Variants in AFF2 observed in about 807,000 individuals in gnomAD.
The protein encoded by AFF2 is AF4/FMR2 family member 2.
Under a neutral mutation model 76.9 loss-of-function variants are expected in AFF2, and 14 were observed. The ratio of observed to expected loss-of-function variants is 0.18; its 90% CI spans 0.12 to 0.28. The LOEUF (loss-of-function observed/expected upper bound fraction) is 0.28, where lower values mean the gene tolerates loss of function less well. Ranked by LOEUF, AFF2 falls within the 10% of genes least tolerant of loss-of-function variation. The probability of loss-of-function intolerance (pLI) is 1.00; values close to 1 mark genes in which losing one functional copy is unlikely to be tolerated. For synonymous variants in AFF2, 398 were observed against 366.7 expected (o/e 1.09, Z -0.98); for missense variants, 868 against 1,001.1 (o/e 0.87, Z 1.79).
chrX:148,536,124 C>T (rs981888978), intron 1 of AFF2, among the ~76,000 whole-genome samples: 1 of 109,427 alleles, frequency 9.1e-6, no homozygotes, highest in African/African-American at 3.3e-5. Flanking sequence ...GCAAGAGAAT[C>T]GCTTGAACCC....
chrX:148,851,405 TG>T (rs2070729353), intron 7 of AFF2, among the ~76,000 whole-genome samples: 1 of 112,325 alleles, frequency 8.9e-6, no homozygotes, highest in Admixed American at 9.4e-5. Context: ...ACAGAGTAGG[TG>T]GGATGGAGTA....
intron 1 of AFF2, among the ~76,000 whole-genome samples, chrX:148,545,133 A>T (rs2124274320): frequency 8.9e-6 from 1 of 112,076 alleles, no homozygotes; most frequent in African/African-American, 3.2e-5. Flanking sequence ...TTCTAGCTGT[A>T]GCTAGGGGTT....
rs2072596718 is a variant in AFF2 at position 148,996,180 on chromosome X, G to A, written c.*4848G>A. 8.9e-6 allele frequency: 1 copy of A among 112,428 alleles called. No individual in the cohort carries two copies. The highest frequency in any genetic ancestry group is 1.9e-5 in the Non-Finnish European group (1 of 53,320). The allele number at this position is 112,428 out of a possible 1,213,427, so 9.3% of individuals were successfully genotyped here. ...GGTTCTGCAGTGTTTATGAAATTGG[G>A]AGGAAGGAGACCCTGGACAGTAAGC... On this transcript the variant is annotated 3_prime_UTR_variant, in exon 21 of 21. Transcript: ENST00000370460.
At chrX:148,554,628 C>T (rs5936397) in intron 1 of AFF2, among the ~76,000 whole-genome samples, 33,427 of 111,405 alleles carry the variant, frequency 0.3, 3,769 homozygotes, top group African/African-American at 0.36. Flanking sequence ...TATTGTTTCT[C>T]GTGGGGATAA....
chrX:148,549,381 TTTC>T (rs1236438144), intron 1 of AFF2, among the ~76,000 whole-genome samples: 8 of 112,216 alleles, frequency 7.1e-5, no homozygotes, highest in African/African-American at 2.6e-4. Flanking sequence ...ATGAAATCAG[TTTC>T]TTCTTATTCA....
intron 1 of AFF2, among the ~76,000 whole-genome samples, chrX:148,557,314 G>A (rs1372507092): frequency 8.9e-6 from 1 of 112,262 alleles, no homozygotes; most frequent in Non-Finnish European, 1.9e-5. Context: ...TAAATTCTAA[G>A]TATTGGACTG....
At chrX:148,984,220 G>C (rs1340584682) in intron 19 of AFF2, among the ~76,000 whole-genome samples, 5 of 111,183 alleles carry the variant, frequency 4.5e-5, no homozygotes, top group African/African-American at 1.3e-4. Flanking sequence ...AGCTGCCTCT[G>C]AAGCAGGAGG....
chrX:148,501,018 G>T lies in AFF2; in HGVS notation c.-80G>T. 2.6e-5 allele frequency: 29 copies of T among 1,136,583 alleles called. No homozygotes were observed. Among genetic ancestry groups the T allele is most frequent in the Non-Finnish European group, 3.2e-5 (27 of 850,665 alleles). 93.7% of individuals were successfully genotyped at this position (1,136,583 alleles called of 1,213,427 possible). On this transcript the variant is annotated 5_prime_UTR_variant, in exon 1 of 21. Coordinates refer to ENST00000370460, the MANE Select transcript of AFF2 (RefSeq NM_002025.4). ...GGAGAGCCGGGGGCCGCCGAGAACC[G>T]CCAGCGAGCTGTGCCGAGAGCCGCG...
intron 8 of AFF2, among the ~76,000 whole-genome samples, chrX:148,889,681 A>G (rs1289255694): frequency 8.9e-6 from 1 of 111,733 alleles, no homozygotes; most frequent in Non-Finnish European, 1.9e-5. Flanking sequence ...AGACATATGC[A>G]TGCTGTTTTC....
chrX:148,991,273 C>G lies in AFF2; in HGVS notation c.3877C>G (p.Leu1293Val). 1 of 1,210,059 alleles carries G rather than the reference C, an allele frequency of 8.3e-7. No individual in the cohort carries two copies. Among genetic ancestry groups the G allele is most frequent in the Non-Finnish European group, 1.1e-6 (1 of 894,536 alleles). Residue 1293 changes from leucine to valine, a missense_variant, in exon 21 of 21, where the codon CTT becomes GTT. Physicochemically the swap from Leu to Val is conservative, Grantham distance 32 (BLOSUM62 1). Around this residue, in one of 6 missense-constraint regions of AFF2, gnomAD observed 33 missense variants for 63.6 expected, o/e 0.52. Coordinates refer to ENST00000370460, the MANE Select transcript of AFF2 (RefSeq NM_002025.4). ...PLTQHSSMTN[L>V]VRYVRQGLCW... ...GACCCAGCACAGCAGCATGACCAAT[C>G]TTGTCCGCTACGTTCGCCAAGGACT...
chrX:148,798,875 C>T (rs983610988), intron 3 of AFF2, among the ~76,000 whole-genome samples: 2 of 111,684 alleles, frequency 1.8e-5, no homozygotes, highest in Non-Finnish European at 3.8e-5. Flanking sequence ...CATTTAATGT[C>T]ACAGACCCTT....
chrX:148,613,543 A>G (rs868968209), intron 1 of AFF2, among the ~76,000 whole-genome samples: 1 of 111,566 alleles, frequency 9.0e-6, no homozygotes, highest in African/African-American at 3.3e-5. Flanking sequence ...CCATCTGCCT[A>G]AAGAGTTCAA....
chrX:148,748,608 A>G (rs1557266251), intron 3 of AFF2, among the ~76,000 whole-genome samples: 1 of 111,860 alleles, frequency 8.9e-6, no homozygotes, highest in Admixed American at 9.5e-5. Context: ...TGGTACTAAT[A>G]ATGGGTCCTT....
chrX:148,945,616 T>C (rs958713251), intron 9 of AFF2, among the ~76,000 whole-genome samples: 1 of 112,190 alleles, frequency 8.9e-6, no homozygotes, highest in Non-Finnish European at 1.9e-5. Flanking sequence ...AATTAGAATC[T>C]GCAGGTTAAT....
intron 4 of AFF2, among the ~76,000 whole-genome samples, chrX:148,811,905 A>G (rs916640079): frequency 2.1e-4 from 24 of 111,878 alleles, no homozygotes; most frequent in African/African-American, 6.8e-4. Flanking sequence ...GAAAGTAACA[A>G]AAGTCCTTCT....
At chrX:148,966,431 T>A (rs782101328) in intron 13 of AFF2, among the ~76,000 whole-genome samples, 1 of 110,231 alleles carries the variant, frequency 9.1e-6, no homozygotes, top group African/African-American at 3.3e-5. Context: ...TGTCCATGCA[T>A]CTCTTCCTTT....
chrX:148,843,075 A>G (rs1557274403), intron 6 of AFF2, 73 bp downstream of exon 6: 2 of 841,439 alleles, frequency 2.4e-6, no homozygotes, highest in Non-Finnish European at 3.4e-6. Context: ...CCTTTTTCCT[A>G]CTTAAAATCA....
intron 1 of AFF2, among the ~76,000 whole-genome samples, chrX:148,623,555 C>A (rs782434528): frequency 9.3e-6 from 1 of 107,074 alleles, no homozygotes; most frequent in Non-Finnish European, 1.9e-5. Context: ...AATGTATTAT[C>A]ACTTCCATTA....
At chrX:148,772,428 A>C (rs2069599105) in intron 3 of AFF2, among the ~76,000 whole-genome samples, 1 of 111,297 alleles carries the variant, frequency 9.0e-6, no homozygotes, top group Non-Finnish European at 1.9e-5. Context: ...TGGCAAAATG[A>C]TGCTTTTGAT....
Sources: allele counts gnomAD v4.1 joint callset (sites outside exome capture counted in the v4.1 genomes callset), GRCh38; gene constraint gnomAD v4.1.1; regional missense constraint gnomAD v4.1.1; transcripts MANE v1.5; gene names NCBI Gene and HGNC (gene_info 2026-07-23, HGNC 2026-07-21).